The following APP variants were observed in gnomAD, a reference collection of about 807,000 sequenced individuals.
APP encodes the protein amyloid-beta precursor protein.
Under a neutral mutation model 101.4 loss-of-function variants are expected in APP, and 31 were observed. The observed-to-expected ratio is 0.31, with a 90% confidence interval of 0.23 to 0.41. The LOEUF (loss-of-function observed/expected upper bound fraction) is 0.41. Among genes scored for constraint, APP ranks in the 10% least tolerant of loss-of-function variants. The pLI, the probability that APP is intolerant of heterozygous loss-of-function variation, is 1.00. For synonymous variants in APP, 366 were observed against 364.4 expected (o/e 1.00, Z -0.05); for missense variants, 839 against 1,003.7 (o/e 0.84, Z 2.22).
intron 11 of APP, among the ~76,000 whole-genome samples, chr21:25,963,235 A>G (rs2041657914): frequency 6.6e-6 from 1 of 152,186 alleles, no homozygotes. Flanking sequence ...CATTTGACTA[A>G]TGGCAGGATG....
chr21:25,882,481 C>G (rs1039729433), intron 17 of APP, among the ~76,000 whole-genome samples: 1 of 150,858 alleles, frequency 6.6e-6, no homozygotes, highest in Non-Finnish European at 1.5e-5. Context: ...AAATCAGACC[C>G]TCTCTGTTAA....
At chr21:25,918,420 G>T (rs1286674575) in intron 13 of APP, among the ~76,000 whole-genome samples, 2 of 152,188 alleles carry the variant, frequency 1.3e-5, no homozygotes, top group Non-Finnish European at 2.9e-5. Context: ...ACAGCTCCCA[G>T]CGTGAGCGAC....
chr21:26,081,457 G>T (rs189577460), intron 3 of APP, among the ~76,000 whole-genome samples: 7 of 152,310 alleles, frequency 4.6e-5, no homozygotes, highest in Admixed American at 3.3e-4. Flanking sequence ...GGATGAGCCA[G>T]AAGAAGGAAT....
intron 8 of APP, among the ~76,000 whole-genome samples, chr21:25,985,900 G>A (rs1302695739): frequency 6.6e-6 from 1 of 152,056 alleles, no homozygotes; most frequent in African/African-American, 2.4e-5. Context: ...CCAGATTACT[G>A]TCTAGTCAAG....
intron 6 of APP, among the ~76,000 whole-genome samples, chr21:26,011,587 CA>C (rs2043809652): frequency 6.6e-6 from 1 of 151,990 alleles, no homozygotes; most frequent in Non-Finnish European, 1.5e-5. Context: ...TTATCTGGCC[CA>C]AAACATCAAT....
rs373774137 is a variant in APP at position 26,005,545 on chromosome 21, C to T, written c.866-5363G>A. 8.5e-5 allele frequency among the ~76,000 whole-genome samples: 13 copies of T among 152,312 alleles called. No homozygotes were observed. In the East Asian group the frequency reaches 2.1e-3, roughly 25 times the overall value. On this transcript the variant is annotated intron_variant, in intron 6 of 17. Transcript: ENST00000346798. ...TCTCAGTTTGAGAAAATTTCCTTTA[C>T]ATCCCTCTCTAGCAATGGGATATTA...
intron 5 of APP, among the ~76,000 whole-genome samples, chr21:26,023,707 C>A (rs2044449090): frequency 6.6e-6 from 1 of 152,218 alleles, no homozygotes; most frequent in African/African-American, 2.4e-5. Flanking sequence ...TCCTTAAAAA[C>A]AAACAAAAAC....
intron 5 of APP, 28 bp from the exon 6 acceptor site, chr21:26,022,070 A>G (rs1210045029): frequency 3.1e-6 from 5 of 1,609,802 alleles, no homozygotes; most frequent in African/African-American, 1.3e-5. Flanking sequence ...AATAACAGAA[A>G]AAGTCAATTA....
chr21:25,895,015 C>T (rs985771552), intron 16 of APP, among the ~76,000 whole-genome samples: 4 of 151,796 alleles, frequency 2.6e-5, no homozygotes, highest in African/African-American at 7.3e-5. Context: ...AGATTCTCCA[C>T]GAGCAAAAAG....
chr21:26,155,223 T>C (rs1171217937), intron 1 of APP, among the ~76,000 whole-genome samples: 1 of 152,130 alleles, frequency 6.6e-6, no homozygotes, highest in Admixed American at 6.5e-5. Context: ...GCAAGCTAGA[T>C]TGCACTCTAG....
At chr21:25,888,456 T>C (rs1051253908) in intron 17 of APP, among the ~76,000 whole-genome samples, 3 of 152,172 alleles carry the variant, frequency 2.0e-5, no homozygotes, top group African/African-American at 7.2e-5. Context: ...ATTTCAACAT[T>C]GCTGTACAGA....
At chr21:26,016,950 G>GGGC (rs2044106538) in intron 6 of APP, among the ~76,000 whole-genome samples, 1 of 22,878 alleles carries the variant, frequency 4.4e-5, no homozygotes, top group African/African-American at 1.1e-4. Context: ...GGGGCGGGGG[G>GGGC]CGGGGGGTGC....
intron 3 of APP, among the ~76,000 whole-genome samples, chr21:26,065,696 G>T (rs1601372303): frequency 1.3e-5 from 2 of 152,144 alleles, no homozygotes; most frequent in African/African-American, 4.8e-5. Flanking sequence ...TGTTACAGTA[G>T]TCTTACTAAT....
chr21:26,007,840 CAAAA>C (rs2043605549), intron 6 of APP, among the ~76,000 whole-genome samples: 1 of 151,990 alleles, frequency 6.6e-6, no homozygotes, highest in African/African-American at 2.4e-5. Context: ...AAGCAGTCGT[CAAAA>C]AACATGTTTA....
At chr21:26,112,220 ACTATCAAAAAGAGTTCTATT>A (rs1228635232) in intron 1 of APP, 74 bp from the exon 2 acceptor site, 13 of 1,492,850 alleles carry the variant, frequency 8.7e-6, no homozygotes, top group Non-Finnish European at 1.1e-5. Flanking sequence ...AACAGGGATA[ACTATCAAAAAGAGTTCTATT>A]CTTGCTCATT....
intron 1 of APP, among the ~76,000 whole-genome samples, chr21:26,142,642 A>G (rs759278698): frequency 3.3e-5 from 5 of 152,024 alleles, no homozygotes; most frequent in Non-Finnish European, 5.9e-5. Flanking sequence ...GGTGGTGCAA[A>G]CCTGTAGTCC....
intron 11 of APP, among the ~76,000 whole-genome samples, chr21:25,970,571 A>G (rs2041993563): frequency 6.6e-6 from 1 of 152,254 alleles, no homozygotes; most frequent in Non-Finnish European, 1.5e-5. Context: ...ATATAAAAAA[A>G]AATTTCCTGA....
rs199887707 is a variant in APP at position 25,911,840 on chromosome 21, C to T, written c.1810G>A (p.Val604Met). 2.4e-4 allele frequency: 393 copies of T among 1,614,126 alleles called. 1 individual carries two copies. Among genetic ancestry groups the T allele is most frequent in the East Asian group, 4.9e-4 (22 of 44,868 alleles). The part of the protein sequence containing the change: ...MPSLTETKTT[V>M]ELLPVNGEFS... ...TCTCCATTCACGGGAAGGAGCTCCA[C>T]GGTGGTTTTCGTTTCGGTCAAAGAT... Residue 604 changes from valine to methionine, a missense_variant, in exon 14 of 18, where the codon GTG (valine) becomes ATG (methionine). By Grantham distance (21) the Val-to-Met change is conservative (BLOSUM62 1). Transcript: ENST00000346798.
rs142651499 is a variant in APP at position 25,948,891 on chromosome 21, G to T, written c.1687+5699C>A. Among the ~76,000 whole-genome samples, 54 of 152,284 alleles carry T rather than the reference G, an allele frequency of 3.5e-4. 2 individuals carry two copies. In the East Asian group the frequency reaches 0.01, roughly 28 times the overall value. ...ATGAAGGGATTCTGCCCTTTTGAAGGATTAATAAATAATTAAAGCAGAATA... is the reference window on the plus strand; with the variant it reads ...ATGAAGGGATTCTGCCCTTTTGAAGTATTAATAAATAATTAAAGCAGAATA... On this transcript the variant is annotated intron_variant, in intron 13 of 17. Coordinates refer to ENST00000346798, the MANE Select transcript of APP (RefSeq NM_000484.4).
Sources: allele counts gnomAD v4.1 joint callset (sites outside exome capture counted in the v4.1 genomes callset), GRCh38; gene constraint gnomAD v4.1.1; transcripts MANE v1.5; gene names NCBI Gene and HGNC (gene_info 2026-07-23, HGNC 2026-07-21).